The following FBXL17 variants were observed in gnomAD, a reference collection of about 807,000 sequenced individuals.
FBXL17 encodes the protein F-box and leucine rich repeat protein 17, also known as F-box/LRR-repeat protein 17.
FBXL17 carries 22 observed loss-of-function variants against 66.2 expected under a neutral mutation model. The ratio of observed to expected loss-of-function variants is 0.33; its 90% CI spans 0.24 to 0.47. FBXL17 has a LOEUF of 0.47. Among genes scored for constraint, FBXL17 ranks in the 20% least tolerant of loss-of-function variants. The probability of loss-of-function intolerance (pLI) is 1.00; values close to 1 mark genes in which losing one functional copy is unlikely to be tolerated. For missense variants in FBXL17, 878 were observed against 948.2 expected (o/e 0.93, Z 0.97); for synonymous variants, 474 against 400.5 (o/e 1.18, Z -2.19).
At chr5:107,891,067 A>T (rs1177889729) in intron 7 of FBXL17, among the ~76,000 whole-genome samples, 2 of 152,172 alleles carry the variant, frequency 1.3e-5, no homozygotes, top group Non-Finnish European at 2.9e-5. Context: ...CCAGGATGAG[A>T]GTGTTGCAGT....
intron 8 of FBXL17, among the ~76,000 whole-genome samples, chr5:107,868,867 A>G (rs372177625): frequency 6.6e-6 from 1 of 151,900 alleles, no homozygotes; most frequent in East Asian, 1.9e-4. Context: ...TTTTCAGAGA[A>G]GAAAGGAAAC....
intron 6 of FBXL17, among the ~76,000 whole-genome samples, chr5:108,170,510 T>C (rs767640967): frequency 6.6e-6 from 1 of 152,154 alleles, no homozygotes; most frequent in Non-Finnish European, 1.5e-5. Context: ...ATATATACCA[T>C]AGAAGTTATG....
In FBXL17 at chr5:108,381,427, C is replaced by G. The variant is rs1345231998; in HGVS notation, c.265G>C (p.Gly89Arg). ...EPPLSPPPRD[G>R]AYAAASSSQH... ...GAGGAGGAGGCGGCAGCGTAGGCCC[C>G]GTCCCGCGGCGGCGGCGAGAGCGGC... is the stretch of plus-strand genomic sequence containing the variant. Residue 89 changes from glycine to arginine, a missense_variant, in exon 1 of 9, where the codon GGG becomes CGG. Gly to Arg is a moderately radical substitution (Grantham distance 125). Coordinates refer to ENST00000542267, the MANE Select transcript of FBXL17 (RefSeq NM_001163315.3). The G allele has an allele frequency of 7.1e-5, 93 of 1,316,626 alleles. No homozygotes were observed. The highest frequency in any genetic ancestry group is 2.8e-4 in the Middle Eastern group (1 of 3,558). 81.6% of individuals were successfully genotyped at this position (1,316,626 alleles called of 1,614,324 possible). A position where few individuals can be genotyped will look rare whatever the true frequency, so the allele number is the denominator to read the frequency against.
intron 5 of FBXL17, among the ~76,000 whole-genome samples, chr5:108,194,806 C>T (rs183243165): frequency 2.0e-5 from 3 of 152,272 alleles, no homozygotes; most frequent in East Asian, 3.9e-4. Flanking sequence ...AGAAGATTGA[C>T]GGCCAGGCCC....
chr5:108,096,145 T>C (rs898249717), intron 6 of FBXL17, among the ~76,000 whole-genome samples: 5 of 152,218 alleles, frequency 3.3e-5, no homozygotes, highest in Admixed American at 3.3e-4. Flanking sequence ...CAAAATACTC[T>C]GATTTTGTTC....
At chr5:107,878,963 C>T in intron 8 of FBXL17, 2 of 985,396 alleles carry the variant, frequency 2.0e-6, no homozygotes, top group Middle Eastern at 5.2e-4. Context: ...CAGAGGCAGC[C>T]CAGGAAAAGG....
intron 4 of FBXL17, among the ~76,000 whole-genome samples, chr5:108,291,116 A>G (rs190482063): frequency 1.3e-5 from 2 of 152,312 alleles, no homozygotes; most frequent in Non-Finnish European, 2.9e-5. Context: ...ATGTTGAGCT[A>G]TTAAATATTG....
rs140395086 is a variant in FBXL17, at chr5:108,316,270, A to G, written c.1506+32129T>C. ...TATTAAAATACTTTGCTAGACAAAT[A>G]TATCTTTAAAAGATCAACAATGGAA... On this transcript the variant is annotated intron_variant, in intron 4 of 8. Transcript: ENST00000542267. Among the ~76,000 whole-genome samples the G allele has an allele frequency of 7.9e-4, 120 of 151,658 alleles. No homozygotes were observed. In the East Asian group the frequency reaches 0.011, roughly 14 times the overall value.
chr5:108,154,662 CATATATATGTGTATATATATACACAT>C (rs1751918621), intron 6 of FBXL17, among the ~76,000 whole-genome samples: 6 of 130,794 alleles, frequency 4.6e-5, no homozygotes, highest in South Asian at 2.4e-4. Flanking sequence ...TATGTATATA[CATATATATGTGTATATATATACACAT>C]ATATATGTAT....
At chr5:108,223,602 G>A (rs1051801375) in intron 5 of FBXL17, among the ~76,000 whole-genome samples, 1 of 152,120 alleles carries the variant, frequency 6.6e-6, no homozygotes, top group African/African-American at 2.4e-5. Flanking sequence ...ATCAGTGAGA[G>A]ATTACTAAAG....
intron 4 of FBXL17, among the ~76,000 whole-genome samples, chr5:108,275,291 T>TA (rs890311053): frequency 1.6e-4 from 25 of 152,326 alleles, no homozygotes; most frequent in Non-Finnish European, 3.4e-4. Flanking sequence ...AAGAGCTAGT[T>TA]AAGATTTTTT....
chr5:107,941,529 G>A (rs1311172003), intron 7 of FBXL17, among the ~76,000 whole-genome samples: 1 of 152,158 alleles, frequency 6.6e-6, no homozygotes, highest in Non-Finnish European at 1.5e-5. Context: ...CTGCAAGCAT[G>A]TATTTTTATA....
At chr5:107,985,598 A>C (rs1395088258) in intron 7 of FBXL17, among the ~76,000 whole-genome samples, 1 of 152,168 alleles carries the variant, frequency 6.6e-6, no homozygotes, top group Non-Finnish European at 1.5e-5. Flanking sequence ...GAGAAACATA[A>C]AATTACTTTG....
intron 6 of FBXL17, among the ~76,000 whole-genome samples, chr5:108,163,397 T>TTC (rs1247869665): frequency 2.3e-5 from 2 of 87,384 alleles, no homozygotes; most frequent in East Asian, 1.2e-3. Context: ...ACTTTTTTTT[T>TTC]TCTTTTTTTT....
At chr5:108,306,173 G>A (rs1276339250) in intron 4 of FBXL17, among the ~76,000 whole-genome samples, 1 of 151,950 alleles carries the variant, frequency 6.6e-6, no homozygotes, top group African/African-American at 2.4e-5. Flanking sequence ...AAAAACATAT[G>A]TGTACTTACT....
At chr5:108,123,432 TTAAAA>T (rs1750580640) in intron 6 of FBXL17, among the ~76,000 whole-genome samples, 1 of 152,154 alleles carries the variant, frequency 6.6e-6, no homozygotes, top group African/African-American at 2.4e-5. Context: ...AAAACAAATC[TTAAAA>T]TAAATGTCAC....
chr5:108,203,780 G>A (rs1485356824), intron 5 of FBXL17, among the ~76,000 whole-genome samples: 1 of 152,084 alleles, frequency 6.6e-6, no homozygotes, highest in Non-Finnish European at 1.5e-5. Context: ...TAAAAGGCAA[G>A]AAAGTTAATT....
intron 4 of FBXL17, among the ~76,000 whole-genome samples, chr5:108,280,010 A>T (rs1757640129): frequency 6.6e-6 from 1 of 152,100 alleles, no homozygotes; most frequent in Non-Finnish European, 1.5e-5. Context: ...TTATTGGAAT[A>T]CCTAAGGAAA....
At chr5:108,324,748 G>C (rs998464401) in intron 4 of FBXL17, among the ~76,000 whole-genome samples, 1 of 151,970 alleles carries the variant, frequency 6.6e-6, no homozygotes, top group African/African-American at 2.4e-5. Flanking sequence ...ATATGTGTGT[G>C]TGTGTGTGCA....
Sources: gnomAD v4.1 joint callset for allele counts (sites outside exome capture counted in the v4.1 genomes callset) on GRCh38, gnomAD v4.1.1 for gene constraint, MANE v1.5 for transcripts, NCBI Gene and HGNC (gene_info 2026-07-23, HGNC 2026-07-21) for gene names.